The following CYC1 variants were observed in gnomAD, a reference collection of about 807,000 sequenced individuals.
The protein encoded by CYC1 is cytochrome c1, heme protein, mitochondrial.
A neutral mutation model predicts 33.8 loss-of-function variants in CYC1; 10 were observed. The observed-to-expected ratio is 0.30, with a 90% confidence interval of 0.18 to 0.50. CYC1 has a LOEUF of 0.50. Ranked by LOEUF, CYC1 falls within the 20% of genes least tolerant of loss-of-function variation. The pLI is 0.98. For missense variants in CYC1, 459 were observed against 437.6 expected, an observed-to-expected ratio of 1.05 and a Z score of -0.44; for synonymous variants, 224 against 181.9, an observed-to-expected ratio of 1.23 and a Z score of -1.86.
At position 144,097,475 on chromosome 8, in the gene CYC1, T is replaced by C; in HGVS notation, c.*139T>C. On this transcript the variant is annotated 3_prime_UTR_variant, in exon 7 of 7. Transcript: ENST00000318911. ...GGGGCAGGAGACCAGGCTCTAGCTC[T>C]GGGCCCTCCTTCAGCCCCCATCATG... The C allele has an allele frequency of 1.6e-6, 1 of 642,566 alleles. No homozygotes were observed. The highest frequency in any genetic ancestry group is 1.9e-5 in the South Asian group (1 of 53,612). The allele number at this position is 642,566 out of a possible 1,614,324, so 39.8% of individuals were successfully genotyped here. A position where few individuals can be genotyped will look rare whatever the true frequency, so the allele number is the denominator to read the frequency against.
Position 144,097,049 on chromosome 8 carries a change from T to C in CYC1, c.788T>C (p.Met263Thr), listed in dbSNP as rs1372326017. The change falls in exon 6 of 7, where the codon ATG becomes ACG. Residue 263 changes from methionine (M) to threonine (T), a missense_variant. Physicochemically the swap from Met to Thr is moderately conservative, Grantham distance 81. Coordinates refer to ENST00000318911, the MANE Select transcript of CYC1 (RefSeq NM_001916.5). ...LEFDDGTPAT[M>T]SQIAKDVCTF... ...CGTTGGCCAGGCACCCCAGCTACCA[T>C]GTCCCAGATAGCCAAGGATGTGTGC... 4 of 1,608,592 alleles carry C rather than the reference T, an allele frequency of 2.5e-6. No individual in the cohort carries two copies. The highest frequency in any genetic ancestry group is 2.2e-5 in the East Asian group (1 of 44,760).
Position 144,097,091 on chromosome 8 carries a change from C to T in CYC1, c.830C>T (p.Ala277Val). Residue 277 changes from alanine to valine, a missense_variant, in exon 6 of 7, where the codon GCA (alanine) becomes GTA (valine). Transcript: ENST00000318911. The stretch of plus-strand genomic sequence containing the variant: ...GATGTGTGCACCTTCCTGCGCTGGG[C>T]ATCTGAGCCAGAGCACGACCATCGA... ...AKDVCTFLRW[A>V]SEPEHDHRKR... The T allele has an allele frequency of 6.2e-7, 1 of 1,611,898 alleles. No homozygotes were observed. Among genetic ancestry groups the T allele is most frequent in the Non-Finnish European group, 8.5e-7 (1 of 1,178,934 alleles).
In CYC1 at chr8:144,096,036, AGCTGGCTG is replaced by A. The variant is rs748482749; in HGVS notation, c.326+18_326+25del. The A allele has an allele frequency of 2.5e-6, 4 of 1,598,700 alleles. No homozygotes were observed. The highest frequency in any genetic ancestry group is 1.7e-5 in the Admixed American group (1 of 59,506). ...CTTCCTTGGACCACACCAGGTGTGC[AGCTGGCTG>A]GCTGGCTGGCAGCGGGAGGTTCTGG... On this transcript the variant is annotated splice_region_variant and intron_variant, in intron 2 of 6. Coordinates refer to ENST00000318911, the MANE Select transcript of CYC1 (RefSeq NM_001916.5).
chr8:144,095,569 G>C, intron 1 of CYC1: 4 of 529,998 alleles, frequency 7.5e-6, no homozygotes, highest in African/African-American at 2.0e-5. Flanking sequence ...ATCTCGGCCA[G>C]CTGCTTGTGA....
Position 144,096,720 on chromosome 8 carries a change from A to G in CYC1, c.748A>G (p.Thr250Ala). ...QAIAMAPPIY[T>A]DVLEFDDGTP... ...CATTGCCATGGCCCCTCCCATCTAC[A>G]CAGATGTCTTAGAGTTTGACGATGG... is the stretch of plus-strand genomic sequence containing the variant. Residue 250 changes from threonine (T) to alanine (A), a missense_variant, in exon 5 of 7, where the codon ACA becomes GCA. Transcript: ENST00000318911. 1.9e-6 allele frequency: 3 copies of G among 1,610,194 alleles called. No homozygotes were observed. The highest frequency in any genetic ancestry group is 8.5e-7 in the Non-Finnish European group (1 of 1,178,874).
intron 4 of CYC1, 27 bp from the exon 5 acceptor site, chr8:144,096,557 A>G (rs1489465093): frequency 6.2e-7 from 1 of 1,613,484 alleles, no homozygotes; most frequent in African/African-American, 1.3e-5. Context: ...TGTGCTTGGA[A>G]CTAAGGAGCC....
chr8:144,096,514 G>T lies in CYC1; in HGVS notation c.611+20G>T. The T allele has an allele frequency of 6.2e-7, 1 of 1,614,128 alleles. No homozygotes were observed. On this transcript the variant is annotated intron_variant, in intron 4 of 6. Coordinates refer to ENST00000318911, the MANE Select transcript of CYC1 (RefSeq NM_001916.5). ...AGCTAGGTACACGGGCTGCCCATGG[G>T]GTGGTGCTGGAGAGATGGGGGAAGG...
At chr8:144,095,519 T>C in intron 1 of CYC1, 1 of 460,038 alleles carries the variant, frequency 2.2e-6, no homozygotes, top group Non-Finnish European at 3.8e-6. Flanking sequence ...TGCGGCTGGC[T>C]GTCCAAACTG....
In CYC1 at chr8:144,096,399, C is replaced by T. The variant is rs763149418; in HGVS notation, c.516C>T (p.Phe172=). The change falls in exon 4 of 7, where the codon TTC becomes TTT. Residue 172 remains phenylalanine (F), a synonymous_variant. Coordinates refer to ENST00000318911, the MANE Select transcript of CYC1 (RefSeq NM_001916.5). ...GEMFMRPGKL[F]DYFPKPYPNS... ...TGTTCATGCGGCCAGGGAAGCTGTT[C>T]GACTATTTCCCAAAACCATACCCCA... The T allele has an allele frequency of 6.2e-7, 1 of 1,613,956 alleles. No homozygotes were observed. The highest frequency in any genetic ancestry group is 8.5e-7 in the Non-Finnish European group (1 of 1,179,996).
chr8:144,095,754 GGA>G, intron 1 of CYC1, 77 bp from the exon 2 acceptor site: 1 of 1,487,808 alleles, frequency 6.7e-7, no homozygotes. Context: ...ATTGCTGGGT[GGA>G]GAGGTGGGCG....
At chr8:144,096,281 G>A in intron 3 of CYC1, 31 bp downstream of exon 3, 1 of 1,613,736 alleles carries the variant, frequency 6.2e-7, no homozygotes, top group South Asian at 1.1e-5. Context: ...TGGGACCCAG[G>A]GCTCAGGGCT....
chr8:144,096,395 T>C lies in CYC1; in HGVS notation c.512T>C (p.Leu171Pro). The change falls in exon 4 of 7, where the codon CTG (leucine) becomes CCG (proline). Residue 171 changes from leucine to proline, a missense_variant. Leu to Pro is a moderately conservative substitution (Grantham distance 98, BLOSUM62 -3). Coordinates refer to ENST00000318911, the MANE Select transcript of CYC1 (RefSeq NM_001916.5). ...GAGATGTTCATGCGGCCAGGGAAGC[T>C]GTTCGACTATTTCCCAAAACCATAC... ...DGEMFMRPGK[L>P]FDYFPKPYPN... 1 of 1,614,010 alleles carries C rather than the reference T, an allele frequency of 6.2e-7. No individual in the cohort carries two copies. The highest frequency in any genetic ancestry group is 8.5e-7 in the Non-Finnish European group (1 of 1,179,960).
chr8:144,096,080 T>C, intron 2 of CYC1, 44 bp from the exon 3 acceptor site: 2 of 1,604,736 alleles, frequency 1.2e-6, no homozygotes, highest in Non-Finnish European at 1.7e-6. Flanking sequence ...GTGGAGCTGG[T>C]AAGGTGGAAT....
In CYC1 at chr8:144,096,271, T is replaced by G. The variant is rs1228517867; in HGVS notation, c.453+21T>G. ...CGGAGGTGTGGGGTCTGGGGATGCC[T>G]GGGACCCAGGGCTCAGGGCTCCCAC... On this transcript the variant is annotated intron_variant, in intron 3 of 6. Transcript: ENST00000318911. 3.7e-6 allele frequency: 6 copies of G among 1,612,902 alleles called. No individual in the cohort carries two copies. In the African/African-American group the frequency reaches 6.7e-5, roughly 18 times the overall value.
rs1290121873 is a variant in CYC1, at chr8:144,096,684, C to A, written c.712C>A (p.Pro238Thr). 1.2e-6 allele frequency: 2 copies of A among 1,612,348 alleles called. No individual in the cohort carries two copies. The highest frequency in any genetic ancestry group is 1.7e-6 in the Non-Finnish European group (2 of 1,179,484). Residue 238 changes from proline (P) to threonine (T), a missense_variant, in exon 5 of 7, where the codon CCT becomes ACT. Transcript: ENST00000318911. The part of the protein sequence containing the change: ...REGLYFNPYF[P>T]GQAIAMAPPI... ...AGGTCTCTACTTCAACCCCTACTTT[C>A]CTGGCCAGGCCATTGCCATGGCCCC...
Position 144,095,819 on chromosome 8 carries a change from C to G in CYC1, c.130-14C>G. The stretch of plus-strand genomic sequence containing the variant: ...GGGTGGTGTCCTGGCAGGCGCTGAG[C>G]GGAGATCTTGCAGGCAGTGGCCTTG... On this transcript the variant is annotated splice_polypyrimidine_tract_variant and intron_variant, in intron 1 of 6. Transcript: ENST00000318911. The G allele has an allele frequency of 1.2e-6, 2 of 1,602,714 alleles. No individual in the cohort carries two copies. Among genetic ancestry groups the G allele is most frequent in the Non-Finnish European group, 1.7e-6 (2 of 1,178,772 alleles).
Position 144,095,091 on chromosome 8 carries a change from G to A in CYC1, c.-9G>A, listed in dbSNP as rs1253955926. On this transcript the variant is annotated 5_prime_UTR_variant, in exon 1 of 7. Coordinates refer to ENST00000318911, the MANE Select transcript of CYC1 (RefSeq NM_001916.5). ...CGACGGGAGTGGCGGCCGCGCGGAGGAGGCCAAGATGGCGGCAGCTGCGGC... is the reference window on the plus strand; with the variant it reads ...CGACGGGAGTGGCGGCCGCGCGGAGAAGGCCAAGATGGCGGCAGCTGCGGC... 2.5e-6 allele frequency: 3 copies of A among 1,208,000 alleles called. No homozygotes were observed. Among genetic ancestry groups the A allele is most frequent in the East Asian group, 6.8e-5 (2 of 29,236 alleles). 74.8% of individuals were successfully genotyped at this position (1,208,000 alleles called of 1,614,324 possible).
chr8:144,095,434 G>C (rs1296917348), intron 1 of CYC1: 1 of 444,598 alleles, frequency 2.2e-6, no homozygotes, highest in African/African-American at 2.1e-5. Context: ...CGTCCCCAGC[G>C]TGGGGGTTGG....
In CYC1 at chr8:144,096,579, C is replaced by T; in HGVS notation, c.612-5C>T. ...GGAACTAAGGAGCCATGGATCTGGT[C>T]CTAGGCATGGTGGTGAGGACTACGT... On this transcript the variant is annotated splice_region_variant and splice_polypyrimidine_tract_variant and intron_variant, in intron 4 of 6. Coordinates refer to ENST00000318911, the MANE Select transcript of CYC1 (RefSeq NM_001916.5). 5 of 1,614,002 alleles carry T rather than the reference C, an allele frequency of 3.1e-6. No individual in the cohort carries two copies. The highest frequency in any genetic ancestry group is 1.3e-5 in the African/African-American group (1 of 75,008).
Sources: gnomAD v4.1 joint callset for allele counts on GRCh38, gnomAD v4.1.1 for gene constraint, MANE v1.5 for transcripts, NCBI Gene and HGNC (gene_info 2026-07-23, HGNC 2026-07-21) for gene names.